Variants in CRYBG1 observed in about 807,000 individuals in gnomAD.
CRYBG1 encodes the protein crystallin beta-gamma domain containing 1, also known as beta/gamma crystallin domain-containing protein 1.
In CRYBG1, 139 loss-of-function variants were observed where a neutral mutation model predicts 189.2. The ratio of observed to expected loss-of-function variants is 0.73; its 90% CI spans 0.64 to 0.85. The LOEUF is 0.85. Ranked by LOEUF, CRYBG1 falls within the 40% of genes least tolerant of loss-of-function variation. The probability of loss-of-function intolerance (pLI) is 0.00; values close to 1 mark genes in which losing one functional copy is unlikely to be tolerated. For missense variants in CRYBG1, 2,611 were observed against 2,675.8 expected (o/e 0.98, Z 0.53); for synonymous variants, 1,023 against 1,017.1 (o/e 1.01, Z -0.11).
intron 1 of CRYBG1, among the ~76,000 whole-genome samples, chr6:106,422,170 CT>C (rs915778157): frequency 2.6e-5 from 4 of 152,098 alleles, no homozygotes; most frequent in African/African-American, 4.8e-5. Flanking sequence ...TGGTGACTCC[CT>C]TTTGGATTCC....
intron 2 of CRYBG1, among the ~76,000 whole-genome samples, chr6:106,479,082 T>C (rs1772392129): frequency 6.6e-6 from 1 of 152,220 alleles, no homozygotes; most frequent in Non-Finnish European, 1.5e-5. Flanking sequence ...TCCTTTTTAT[T>C]GCCAAAAAAT....
intron 8 of CRYBG1, among the ~76,000 whole-genome samples, chr6:106,534,792 G>T (rs1773961821): frequency 6.6e-6 from 1 of 152,102 alleles, no homozygotes; most frequent in Non-Finnish European, 1.5e-5. Context: ...AGAGGTGAAA[G>T]CATATTGGGT....
intron 1 of CRYBG1, among the ~76,000 whole-genome samples, chr6:106,421,716 C>T (rs1771126777): frequency 1.3e-5 from 2 of 152,144 alleles, no homozygotes; most frequent in Admixed American, 1.3e-4. Flanking sequence ...GCATCCACAG[C>T]TGTATTAGTC....
chr6:106,419,337 A>G (rs1423809617), intron 1 of CRYBG1, among the ~76,000 whole-genome samples: 1 of 152,232 alleles, frequency 6.6e-6, no homozygotes, highest in Non-Finnish European at 1.5e-5. Context: ...CTATGTCACC[A>G]TGAGAAAGAC....
chr6:106,507,227 C>T (rs73761855), intron 2 of CRYBG1, among the ~76,000 whole-genome samples: 2,394 of 152,280 alleles, frequency 0.016, 56 homozygotes, highest in African/African-American at 0.055. Context: ...TAAAGCAGGT[C>T]GTAGCACACA....
At chr6:106,566,632 C>T (rs558369050) in intron 21 of CRYBG1, among the ~76,000 whole-genome samples, 4 of 151,986 alleles carry the variant, frequency 2.6e-5, no homozygotes, top group East Asian at 1.9e-4. Flanking sequence ...CCACCACGCC[C>T]GGCTAGCTAC....
chr6:106,544,722 T>G (rs372481149), intron 12 of CRYBG1, 25 bp downstream of exon 12: 2 of 1,608,922 alleles, frequency 1.2e-6, no homozygotes, highest in African/African-American at 2.7e-5. Flanking sequence ...AGCTAATGGC[T>G]AATACTTGGT....
chr6:106,520,951 C>T lies in CRYBG1; in HGVS notation c.3743C>T (p.Ser1248Phe). The change falls in exon 4 of 22, where the codon TCT becomes TTT. Residue 1248 changes from serine (S) to phenylalanine (F), a missense_variant. Ser to Phe is a radical substitution (Grantham distance 155, BLOSUM62 -2). Transcript: ENST00000633556. The part of the protein sequence containing the change: ...EKSALFSSLL[S>F]SLPQDKIFSP... Reference sequence around the variant, plus strand: ...AGTGCACTTTTCTCAAGCTTGTTATCTTCTTTACCACAAGACAAAATCTTT... The same window carrying T: ...AGTGCACTTTTCTCAAGCTTGTTATTTTCTTTACCACAAGACAAAATCTTT... 1 of 1,614,174 alleles carries T rather than the reference C, an allele frequency of 6.2e-7. No individual in the cohort carries two copies. The highest frequency in any genetic ancestry group is 8.5e-7 in the Non-Finnish European group (1 of 1,180,030).
intron 18 of CRYBG1, among the ~76,000 whole-genome samples, 158 bp from the exon 19 acceptor site, chr6:106,560,645 T>C (rs561637916): frequency 1.3e-5 from 2 of 152,356 alleles, no homozygotes; most frequent in East Asian, 1.9e-4. Flanking sequence ...GTCAAGAAAT[T>C]ACTTCTTTTA....
chr6:106,555,831 T>A lies in CRYBG1; in HGVS notation c.5649T>A (p.Tyr1883Ter), dbSNP rs150801186. Residue 1883 changes from tyrosine to a stop codon, truncating the protein, a stop_gained, in exon 17 of 22, where the codon TAT becomes TAA. Coordinates refer to ENST00000633556, the MANE Select transcript of CRYBG1 (RefSeq NM_001371242.2). LOFTEE classifies it high-confidence loss of function. ...GNQYVLEEGH[Y>*]PCLSAMGCPP... ...AATACGTGTTGGAAGAAGGCCATTATCCTTGTCTGTCTGCAATGGGATGCC... is the reference window on the plus strand; with the variant it reads ...AATACGTGTTGGAAGAAGGCCATTAACCTTGTCTGTCTGCAATGGGATGCC... 4.4e-4 allele frequency: 703 copies of A among 1,614,228 alleles called. No homozygotes were observed. The highest frequency in any genetic ancestry group is 5.1e-4 in the Non-Finnish European group (606 of 1,180,034).
chr6:106,393,888 G>A (rs1469587300), intron 1 of CRYBG1, among the ~76,000 whole-genome samples: 2 of 152,086 alleles, frequency 1.3e-5, no homozygotes, highest in Non-Finnish European at 2.9e-5. Context: ...AGCCAGGCTG[G>A]TCTCGAACTC....
chr6:106,400,862 G>A (rs1042223595), intron 1 of CRYBG1, among the ~76,000 whole-genome samples: 7 of 152,132 alleles, frequency 4.6e-5, no homozygotes, highest in East Asian at 3.8e-4. Flanking sequence ...GAACTAAGTC[G>A]CAAAGTAGGT....
rs111677128 is a variant in CRYBG1 at position 106,518,891 on chromosome 6, C to T, written c.1923-240C>T. ...GGAGGATTGCCTGAGCCCAGGAGTT[C>T]GAGGCTGCAGCAATCTATGATCACA... On this transcript the variant is annotated intron_variant, in intron 3 of 21. Transcript: ENST00000633556. Among the ~76,000 whole-genome samples the T allele has an allele frequency of 4.8e-3, 728 of 151,898 alleles. 7 individuals carry two copies. The highest frequency in any genetic ancestry group is 0.017 in the African/African-American group (705 of 41,410).
intron 1 of CRYBG1, among the ~76,000 whole-genome samples, chr6:106,396,934 C>G (rs555787261): frequency 6.6e-6 from 1 of 152,348 alleles, no homozygotes; most frequent in African/African-American, 2.4e-5. Flanking sequence ...CCCGCCTTGG[C>G]CTCCCAAATT....
Position 106,521,071 on chromosome 6 carries a change from C to G in CRYBG1, c.3863C>G (p.Thr1288Ser), listed in dbSNP as rs1295029815. The G allele has an allele frequency of 6.2e-7, 1 of 1,614,066 alleles. No homozygotes were observed. Among genetic ancestry groups the G allele is most frequent in the Non-Finnish European group, 8.5e-7 (1 of 1,180,042 alleles). Residue 1288 changes from threonine to serine, a missense_variant, in exon 4 of 22, where the codon ACT becomes AGT. Transcript: ENST00000633556. ...LSQSSVSQPT[T>S]EGAPPCGLNK... ...CAGTCTTCAGTGTCACAGCCCACGA[C>G]TGAGGGTGCCCCGCCCTGTGGTTTG...
chr6:106,434,056 C>A (rs999237921), intron 1 of CRYBG1, among the ~76,000 whole-genome samples: 4 of 151,822 alleles, frequency 2.6e-5, no homozygotes, highest in Admixed American at 6.6e-5. Context: ...ACTGGAAGAT[C>A]CATTTCCAAG....
rs551706662 is a variant in CRYBG1, at chr6:106,511,732, C to T, written c.615C>T (p.Ala205=). 85 of 1,535,282 alleles carry T rather than the reference C, an allele frequency of 5.5e-5. No individual in the cohort carries two copies. The highest frequency in any genetic ancestry group is 1.7e-4 in the East Asian group (7 of 40,886). The change falls in exon 3 of 22, where the codon GCC becomes GCT. Residue 205 remains alanine, a synonymous_variant. Transcript: ENST00000633556. ...TCCCCGAGAGCGGTGGCCCCGCAGC[C>T]CCCCCTGACGCCGAGCTGTCACCTC... ...GELPESGGPA[A]PPDAELSPRW... is the part of the protein sequence containing the mutation.
At chr6:106,461,710 C>T (rs1021043672) in intron 2 of CRYBG1, among the ~76,000 whole-genome samples, 1 of 152,144 alleles carries the variant, frequency 6.6e-6, no homozygotes, top group Non-Finnish European at 1.5e-5. Flanking sequence ...CATGTAGCTC[C>T]GGACACTCCA....
rs1224342664 is a variant in CRYBG1 at position 106,521,195 on chromosome 6, C to A, written c.3987C>A (p.His1329Gln). The stretch of plus-strand genomic sequence containing the variant: ...ACTCCAGTTTGAAAAGTCCAAGCCA[C>A]ATGGAAAAATACCCGCAAAAAGAGA... Reference protein sequence around the residue: ...TSHSSLKSPSHMEKYPQKEKT... With the variant: ...TSHSSLKSPSQMEKYPQKEKT... The change falls in exon 4 of 22, where the codon CAC becomes CAA. Residue 1329 changes from histidine to glutamine, a missense_variant. His to Gln is a conservative substitution (Grantham distance 24). This residue lies in a region of CRYBG1 where 1,622 missense variants were observed against 1,735.0 expected (regional missense o/e 0.93). Transcript: ENST00000633556. 8 of 1,614,032 alleles carry A rather than the reference C, an allele frequency of 5.0e-6. No homozygotes were observed. Among genetic ancestry groups the A allele is most frequent in the Non-Finnish European group, 6.8e-6 (8 of 1,180,034 alleles).
Sources: allele counts gnomAD v4.1 joint callset (sites outside exome capture counted in the v4.1 genomes callset), GRCh38; gene constraint gnomAD v4.1.1; regional missense constraint gnomAD v4.1.1; transcripts MANE v1.5; gene names NCBI Gene and HGNC (gene_info 2026-07-23, HGNC 2026-07-21).